The following KCNH5 variants were observed in gnomAD, a reference collection of about 807,000 sequenced individuals.
KCNH5 encodes the protein potassium voltage-gated channel subfamily H member 5.
A neutral mutation model predicts 96.1 loss-of-function variants in KCNH5; 46 were observed. The ratio of observed to expected loss-of-function variants is 0.48; its 90% CI spans 0.38 to 0.61. KCNH5 has a LOEUF of 0.61. KCNH5 is among the 20% of genes least tolerant of loss of function. KCNH5 has a pLI of 0.00. For synonymous variants in KCNH5, 439 were observed against 449.8 expected (o/e 0.98, Z 0.30); for missense variants, 907 against 1,225.8 (o/e 0.74, Z 3.88).
intron 1 of KCNH5, among the ~76,000 whole-genome samples, chr14:63,029,202 T>C (rs1891580118): frequency 6.6e-6 from 1 of 152,184 alleles, no homozygotes; most frequent in African/African-American, 2.4e-5. Context: ...TTATATGAGA[T>C]GTTATCAAGT....
intron 7 of KCNH5, among the ~76,000 whole-genome samples, chr14:62,882,524 C>G (rs913468401): frequency 2.0e-5 from 3 of 152,168 alleles, no homozygotes; most frequent in Admixed American, 6.5e-5. Flanking sequence ...GTCTTCACAA[C>G]GCTGAGGTTT....
intron 9 of KCNH5, among the ~76,000 whole-genome samples, chr14:62,787,062 T>C (rs1886334809): frequency 6.6e-6 from 1 of 152,090 alleles, no homozygotes; most frequent in Non-Finnish European, 1.5e-5. Flanking sequence ...AGTCAAAAGG[T>C]AGACATAATT....
Position 62,961,877 on chromosome 14 carries a change from CAGA to C in KCNH5, c.943-11321_943-11319del, listed in dbSNP as rs1255744230. ...GGAGATGCAGATGCAGATGCAAATG[CAGA>C]AGGAGATGGAGATGGAGATGATGCA... On this transcript the variant is annotated intron_variant, in intron 6 of 10. Coordinates refer to ENST00000322893, the MANE Select transcript of KCNH5 (RefSeq NM_139318.5). Among the ~76,000 whole-genome samples, 3 of 138,316 alleles carry C rather than the reference CAGA, an allele frequency of 2.2e-5. No individual in the cohort carries two copies. The East Asian group carries it at 6.4e-4, about 30-fold the overall frequency. 90.7% of individuals were successfully genotyped at this position (138,316 alleles called of 152,430 possible). A position where few individuals can be genotyped will look rare whatever the true frequency, so the allele number is the denominator to read the frequency against.
Position 62,707,905 on chromosome 14 carries a change from G to A in KCNH5, c.2570C>T (p.Pro857Leu). The change falls in exon 11 of 11, where the codon CCA becomes CTA. Residue 857 changes from proline to leucine, a missense_variant. Transcript: ENST00000322893. ...GTCACAAGAATCTGTTTTTCTTAGTGGGTTTTTGGTCACACTGTTCTCTGA... is the reference window on the plus strand; with the variant it reads ...GTCACAAGAATCTGTTTTTCTTAGTAGGTTTTTGGTCACACTGTTCTCTGA... ...SDSENSVTKN[P>L]LRKTDSCDSG... 2 of 1,614,126 alleles carry A rather than the reference G, an allele frequency of 1.2e-6. No individual in the cohort carries two copies. The highest frequency in any genetic ancestry group is 1.7e-6 in the Non-Finnish European group (2 of 1,180,012).
chr14:62,748,403 G>T (rs1260971821), intron 10 of KCNH5, among the ~76,000 whole-genome samples: 1 of 152,176 alleles, frequency 6.6e-6, no homozygotes, highest in Non-Finnish European at 1.5e-5. Flanking sequence ...GTCGGGGTCT[G>T]TTTAGTAAAC....
chr14:62,965,150 T>C (rs1009974035), intron 6 of KCNH5, among the ~76,000 whole-genome samples: 5 of 152,110 alleles, frequency 3.3e-5, no homozygotes, highest in Admixed American at 6.6e-5. Flanking sequence ...AAGGATGACA[T>C]TCAGAGAAGA....
At chr14:62,901,962 C>A (rs1426946414) in intron 7 of KCNH5, among the ~76,000 whole-genome samples, 1 of 152,160 alleles carries the variant, frequency 6.6e-6, no homozygotes, top group Non-Finnish European at 1.5e-5. Context: ...ATTTGCATTT[C>A]TCTGATGATC....
intron 8 of KCNH5, 94 bp downstream of exon 8, chr14:62,849,559 A>C (rs568987518): frequency 1.4e-5 from 14 of 966,754 alleles, no homozygotes; most frequent in Non-Finnish European, 2.3e-5. Context: ...ACAGTTACGA[A>C]GCAATTATAC....
At chr14:63,029,575 A>T (rs113991899) in intron 1 of KCNH5, among the ~76,000 whole-genome samples, 5 of 152,068 alleles carry the variant, frequency 3.3e-5, no homozygotes, top group African/African-American at 1.2e-4. Context: ...GAAAAAATAA[A>T]CTGTTAAATG....
At chr14:63,007,156 T>G (rs914942005) in intron 2 of KCNH5, among the ~76,000 whole-genome samples, 3 of 152,082 alleles carry the variant, frequency 2.0e-5, no homozygotes, top group African/African-American at 7.2e-5. Context: ...GAAGGTGAGC[T>G]CATCCATATA....
At chr14:62,817,826 T>A (rs1161845887) in intron 8 of KCNH5, among the ~76,000 whole-genome samples, 2 of 145,270 alleles carry the variant, frequency 1.4e-5, no homozygotes, top group Non-Finnish European at 3.0e-5. Context: ...ATTATATATA[T>A]TATATATATA....
intron 2 of KCNH5, among the ~76,000 whole-genome samples, chr14:63,009,139 T>C (rs1055581734): frequency 2.0e-5 from 3 of 151,802 alleles, no homozygotes; most frequent in African/African-American, 4.8e-5. Flanking sequence ...AAAAACAAAA[T>C]AAGAAAGAAT....
At chr14:63,042,736 T>C (rs1891848983) in intron 1 of KCNH5, among the ~76,000 whole-genome samples, 1 of 152,206 alleles carries the variant, frequency 6.6e-6, no homozygotes, top group African/African-American at 2.4e-5. Context: ...CCAAATCATA[T>C]AGAAATGACA....
chr14:62,998,108 T>G (rs1890944081), intron 4 of KCNH5, among the ~76,000 whole-genome samples: 1 of 152,126 alleles, frequency 6.6e-6, no homozygotes, highest in Admixed American at 6.6e-5. Context: ...ACCATCTGCA[T>G]CTGGTCTTTT....
chr14:63,013,919 A>G (rs1410904211), intron 2 of KCNH5, among the ~76,000 whole-genome samples: 1 of 152,122 alleles, frequency 6.6e-6, no homozygotes, highest in Non-Finnish European at 1.5e-5. Context: ...TTTAATTTTA[A>G]AAGAGAATAA....
chr14:62,741,936 C>T (rs1165160027), intron 10 of KCNH5, among the ~76,000 whole-genome samples: 1 of 152,086 alleles, frequency 6.6e-6, no homozygotes, highest in Non-Finnish European at 1.5e-5. Flanking sequence ...TTACTGGTAT[C>T]AAAGTAAAAC....
intron 8 of KCNH5, among the ~76,000 whole-genome samples, chr14:62,832,973 T>C (rs1002023802): frequency 7.4e-6 from 1 of 134,432 alleles, no homozygotes; most frequent in Non-Finnish European, 1.6e-5. Flanking sequence ...TATTTGTGGG[T>C]TTTTGCTATT....
At chr14:62,869,341 A>G (rs1221903697) in intron 7 of KCNH5, among the ~76,000 whole-genome samples, 2 of 151,064 alleles carry the variant, frequency 1.3e-5, no homozygotes, top group Non-Finnish European at 2.9e-5. Flanking sequence ...TTCTTTTGAG[A>G]AGTGTCTGTT....
At chr14:63,018,963 T>C (rs1331099932) in intron 1 of KCNH5, among the ~76,000 whole-genome samples, 1 of 151,870 alleles carries the variant, frequency 6.6e-6, no homozygotes, top group African/African-American at 2.4e-5. Context: ...TAACAGCAGA[T>C]TGGACACTAA....
Sources: allele counts gnomAD v4.1 joint callset (sites outside exome capture counted in the v4.1 genomes callset), GRCh38; gene constraint gnomAD v4.1.1; transcripts MANE v1.5; gene names NCBI Gene and HGNC (gene_info 2026-07-23, HGNC 2026-07-21).